GRM7: variants seen among roughly 807,000 people sequenced by gnomAD.
GRM7 encodes the protein metabotropic glutamate receptor 7.
A neutral mutation model predicts 84.5 loss-of-function variants in GRM7; 35 were observed. The observed-to-expected ratio is 0.41, with a 90% CI of 0.32 to 0.55. The LOEUF (loss-of-function observed/expected upper bound fraction) is 0.55. GRM7 is among the 20% of genes least tolerant of loss of function. GRM7 has a pLI of 0.19. For synonymous variants in GRM7, 487 were observed against 455.1 expected (o/e 1.07, Z -0.89); for missense variants, 1,003 against 1,194.6 (o/e 0.84, Z 2.36).
intron 4 of GRM7, among the ~76,000 whole-genome samples, chr3:7,408,959 C>G (rs537780839): frequency 2.0e-5 from 3 of 152,164 alleles, no homozygotes; most frequent in African/African-American, 7.2e-5. Flanking sequence ...ATTATTAAAA[C>G]GCATTGTTTT....
chr3:7,712,111 G>A (rs167979), intron 9 of GRM7, among the ~76,000 whole-genome samples: 86,237 of 152,074 alleles, frequency 0.57, 26,926 homozygotes, highest in East Asian at 0.86. Flanking sequence ...CCTGTTCCCC[G>A]TGCCAGCGGC....
chr3:7,187,709 C>A (rs1404859702), intron 2 of GRM7, among the ~76,000 whole-genome samples: 1 of 152,128 alleles, frequency 6.6e-6, no homozygotes, highest in African/African-American at 2.4e-5. Flanking sequence ...GCAGAAATTT[C>A]TAGGGAAGGA....
chr3:7,064,709 C>G (rs958839707), intron 1 of GRM7, among the ~76,000 whole-genome samples: 2 of 151,250 alleles, frequency 1.3e-5, no homozygotes, highest in Admixed American at 1.3e-4. Context: ...TGGGTAGATA[C>G]CCAGTAGTGG....
At chr3:7,419,820 C>T (rs1322178489) in intron 5 of GRM7, among the ~76,000 whole-genome samples, 1 of 152,088 alleles carries the variant, frequency 6.6e-6, no homozygotes, top group Non-Finnish European at 1.5e-5. Context: ...TTTTCTTTCG[C>T]GATGACAGAA....
chr3:7,089,780 A>G (rs1450366797), intron 1 of GRM7, among the ~76,000 whole-genome samples: 2 of 152,200 alleles, frequency 1.3e-5, no homozygotes, highest in Non-Finnish European at 2.9e-5. Context: ...ACATTTCAAG[A>G]GATGTTGTGA....
chr3:7,279,349 T>G (rs750490781), intron 2 of GRM7, among the ~76,000 whole-genome samples: 1 of 152,082 alleles, frequency 6.6e-6, no homozygotes, highest in African/African-American at 2.4e-5. Context: ...ATTCCAAATA[T>G]AGAAAGTCCA....
intron 9 of GRM7, among the ~76,000 whole-genome samples, chr3:7,720,427 T>C (rs1387768646): frequency 1.3e-5 from 2 of 152,208 alleles, no homozygotes; most frequent in Non-Finnish European, 2.9e-5. Context: ...ATCCTGCATT[T>C]ATGTTTCAAA....
chr3:7,406,388 T>C (rs1185074866), intron 4 of GRM7, among the ~76,000 whole-genome samples: 1 of 151,760 alleles, frequency 6.6e-6, no homozygotes, highest in East Asian at 1.9e-4. Context: ...TAATCCCAGC[T>C]ACTCCAGAGG....
At chr3:7,164,721 G>C (rs1408403286) in intron 2 of GRM7, among the ~76,000 whole-genome samples, 1 of 152,230 alleles carries the variant, frequency 6.6e-6, no homozygotes, top group Non-Finnish European at 1.5e-5. Flanking sequence ...GAGTGAAATA[G>C]CTGAAAAGAA....
chr3:6,925,738 C>T (rs564410209), intron 1 of GRM7, among the ~76,000 whole-genome samples: 1 of 152,158 alleles, frequency 6.6e-6, no homozygotes, highest in Non-Finnish European at 1.5e-5. Context: ...GAAGTCCTTC[C>T]TTATATCTGC....
intron 8 of GRM7, among the ~76,000 whole-genome samples, chr3:7,655,116 A>G (rs1699121668): frequency 2.6e-5 from 4 of 152,318 alleles, no homozygotes; most frequent in Admixed American, 1.3e-4. Context: ...CCACAGGGAC[A>G]TCTGTGGTGG....
chr3:7,552,627 C>T (rs1002946657), intron 7 of GRM7, among the ~76,000 whole-genome samples: 1 of 152,192 alleles, frequency 6.6e-6, no homozygotes, highest in African/African-American at 2.4e-5. Flanking sequence ...GGCCCAACAT[C>T]ATGTGGAAGC....
intron 1 of GRM7, among the ~76,000 whole-genome samples, chr3:7,142,986 A>G (rs1232678566): frequency 1.3e-5 from 2 of 152,152 alleles, no homozygotes; most frequent in African/African-American, 4.8e-5. Context: ...TTCAAGAAAA[A>G]AGGCCTAAGA....
intron 4 of GRM7, among the ~76,000 whole-genome samples, chr3:7,341,491 A>T (rs572071020): frequency 4.6e-5 from 7 of 152,022 alleles, no homozygotes; most frequent in Non-Finnish European, 1.0e-4. Context: ...AGCCTTTGCA[A>T]TCCCACACAC....
At chr3:7,415,299 T>C in intron 5 of GRM7, 136 bp downstream of exon 5, 1 of 721,952 alleles carries the variant, frequency 1.4e-6, no homozygotes, top group Non-Finnish European at 2.3e-6. Flanking sequence ...GTTCAGAAAA[T>C]GGAACAGGAG....
At chr3:7,048,084 A>C (rs955935939) in intron 1 of GRM7, among the ~76,000 whole-genome samples, 2 of 152,008 alleles carry the variant, frequency 1.3e-5, no homozygotes, top group Non-Finnish European at 2.9e-5. Flanking sequence ...AAATTAGCAC[A>C]TTGAGTTTTT....
At chr3:7,269,724 G>C (rs533652759) in intron 2 of GRM7, among the ~76,000 whole-genome samples, 3 of 152,276 alleles carry the variant, frequency 2.0e-5, no homozygotes, top group African/African-American at 7.2e-5. Context: ...AGGAAGACAG[G>C]ACTATGAGCA....
intron 9 of GRM7, among the ~76,000 whole-genome samples, chr3:7,734,228 C>T (rs1575682597): frequency 8.4e-6 from 1 of 118,458 alleles, no homozygotes; most frequent in Admixed American, 1.1e-4. Context: ...GAAGGGGTGC[C>T]AATTTGCTTT....
intron 8 of GRM7, among the ~76,000 whole-genome samples, chr3:7,646,445 G>A (rs909618984): frequency 1.3e-5 from 2 of 152,058 alleles, no homozygotes; most frequent in Non-Finnish European, 2.9e-5. Context: ...ACCTGCCTCA[G>A]CCTCCCAAAG....
Sources: allele counts gnomAD v4.1 joint callset (sites outside exome capture counted in the v4.1 genomes callset), GRCh38; gene constraint gnomAD v4.1.1; transcripts MANE v1.5; gene names NCBI Gene and HGNC (gene_info 2026-07-23, HGNC 2026-07-21).